LDLRAD4: variants seen among roughly 807,000 people sequenced by gnomAD.
LDLRAD4 encodes the protein low-density lipoprotein receptor class A domain-containing protein 4.
A neutral mutation model predicts 17.0 loss-of-function variants in LDLRAD4; 5 were observed. The ratio of observed to expected loss-of-function variants is 0.29; its 90% CI spans 0.15 to 0.62. The LOEUF is 0.62. LDLRAD4 is among the 20% of genes least tolerant of loss of function. The pLI is 0.84. For synonymous variants in LDLRAD4, 168 were observed against 171.8 expected, an observed-to-expected ratio of 0.98 and a Z score of 0.17; for missense variants, 340 against 424.7, an observed-to-expected ratio of 0.80 and a Z score of 1.75.
At chr18:13,271,422 T>G (rs1239410627) in intron 1 of LDLRAD4, among the ~76,000 whole-genome samples, 2 of 152,156 alleles carry the variant, frequency 1.3e-5, no homozygotes, top group African/African-American at 4.8e-5. Flanking sequence ...CAATTCCCAC[T>G]GGGGGGCTTC....
intron 1 of LDLRAD4, among the ~76,000 whole-genome samples, chr18:13,219,525 C>A (rs1453831189): frequency 6.6e-6 from 1 of 152,130 alleles, no homozygotes; most frequent in East Asian, 1.9e-4. Context: ...TTATTGAGGG[C>A]CTACTATGTG....
chr18:13,561,527 C>G (rs1469657584), intron 3 of LDLRAD4: 1 of 152,222 alleles, frequency 6.6e-6, no homozygotes, highest in Non-Finnish European at 1.5e-5. Flanking sequence ...CGTGATTAAA[C>G]ACTGCAGCTG....
In LDLRAD4 at chr18:13,621,241, G is replaced by A. The variant is rs144325561; in HGVS notation, c.306G>A (p.Gln102=). The A allele has an allele frequency of 6.2e-7, 1 of 1,613,580 alleles. No homozygotes were observed. The highest frequency in any genetic ancestry group is 1.7e-5 in the Admixed American group (1 of 60,036). Residue 102 remains glutamine, a synonymous_variant, in exon 4 of 6, where the codon CAG becomes CAA. Transcript: ENST00000359446. This position sits in a 1 kb window ranked among gnomAD's most constrained non-coding sequence, Gnocchi z 5.5. ...GGTCCTTCATCAACCGCCCGAACCA[G>A]AGCCGGAGGCGGGAGGACGGGCTGC...
chr18:13,370,714 T>TTTTGTTTTTTTTTTG (rs2084410877), intron 1 of LDLRAD4, among the ~76,000 whole-genome samples: 8 of 29,240 alleles, frequency 2.7e-4, no homozygotes, highest in East Asian at 9.3e-4. Flanking sequence ...TTTTGTTTTG[T>TTTTGTTTTTTTTTTG]TTTTTTTTTT....
chr18:13,255,967 G>A (rs1360480519), intron 1 of LDLRAD4, among the ~76,000 whole-genome samples: 1 of 152,128 alleles, frequency 6.6e-6, no homozygotes, highest in Non-Finnish European at 1.5e-5. Flanking sequence ...TATCACTCTT[G>A]TTCATCATGA....
intron 3 of LDLRAD4, among the ~76,000 whole-genome samples, chr18:13,562,612 C>T (rs566208047): frequency 3.3e-5 from 5 of 152,214 alleles, no homozygotes; most frequent in African/African-American, 7.2e-5. Context: ...ACTGAAAGTT[C>T]GTACCCTTTG....
chr18:13,413,306 T>C (rs962549583), intron 2 of LDLRAD4, among the ~76,000 whole-genome samples: 1 of 152,254 alleles, frequency 6.6e-6, no homozygotes, highest in African/African-American at 2.4e-5. Context: ...ACGTGTTCAC[T>C]ACTCACTGAC....
At chr18:13,401,757 C>T (rs186354135) in intron 2 of LDLRAD4, among the ~76,000 whole-genome samples, 143 of 152,352 alleles carry the variant, frequency 9.4e-4, no homozygotes, top group Middle Eastern at 3.4e-3. Flanking sequence ...CCTGGGTTCA[C>T]TTCTAAGCTG....
intron 2 of LDLRAD4, among the ~76,000 whole-genome samples, chr18:13,401,836 G>C (rs948989369): frequency 6.6e-6 from 1 of 152,174 alleles, no homozygotes; most frequent in Non-Finnish European, 1.5e-5. Context: ...CAGGTGACCA[G>C]TGCCACCAGG....
At chr18:13,419,003 C>CATTGGTGAT in intron 2 of LDLRAD4, among the ~76,000 whole-genome samples, 1 of 152,170 alleles carries the variant, frequency 6.6e-6, no homozygotes, top group Non-Finnish European at 1.5e-5. Flanking sequence ...ACTTTTATCA[C>CATTGGTGAT]CAATGATGAA....
rs527606954 is a variant in LDLRAD4 at position 13,501,518 on chromosome 18, C to G, written c.181+63134C>G. Among the ~76,000 whole-genome samples, 5 of 152,196 alleles carry G rather than the reference C, an allele frequency of 3.3e-5. No homozygotes were observed. The East Asian group carries it at 9.6e-4, about 29-fold the overall frequency. On this transcript the variant is annotated intron_variant, in intron 3 of 5. Transcript: ENST00000359446. Reference sequence around the variant, plus strand: ...GTCTGTCTGTCTGTCTGGGTCTCACCCTTAATTCCTTTCTTTCTCTTTCCC... The same window carrying G: ...GTCTGTCTGTCTGTCTGGGTCTCACGCTTAATTCCTTTCTTTCTCTTTCCC...
intron 3 of LDLRAD4, among the ~76,000 whole-genome samples, chr18:13,617,347 C>T (rs1444690979): frequency 3.3e-5 from 5 of 152,082 alleles, no homozygotes; most frequent in Non-Finnish European, 7.4e-5. Context: ...ACCTTTCAGT[C>T]AATATCACAT....
rs77491874 is a variant in LDLRAD4 at position 13,581,292 on chromosome 18, A to G, written c.182-39825A>G. On this transcript the variant is annotated intron_variant, in intron 3 of 5. Transcript: ENST00000359446. ...GGGACTTTAGAGCATCTCAGATGTT[A>G]GATTTTCAGATTAGGTATGCTCAAC... Among the ~76,000 whole-genome samples the G allele has an allele frequency of 0.02, 3,092 of 152,262 alleles. 276 individuals carry two copies. In the East Asian group the frequency reaches 0.26, roughly 13 times the overall value.
At chr18:13,541,091 A>C (rs1601225439) in intron 3 of LDLRAD4, among the ~76,000 whole-genome samples, 1 of 152,328 alleles carries the variant, frequency 6.6e-6, no homozygotes, top group East Asian at 1.9e-4. Flanking sequence ...AGAGGCCCAC[A>C]CACACCTCCA....
intron 3 of LDLRAD4, among the ~76,000 whole-genome samples, chr18:13,491,899 A>T (rs1413846516): frequency 6.6e-6 from 1 of 152,206 alleles, no homozygotes; most frequent in Non-Finnish European, 1.5e-5. Flanking sequence ...CACCACCGGG[A>T]GGCTTGCATG....
At chr18:13,492,630 G>A (rs1009804462) in intron 3 of LDLRAD4, among the ~76,000 whole-genome samples, 21 of 152,306 alleles carry the variant, frequency 1.4e-4, no homozygotes, top group Middle Eastern at 3.4e-3. Context: ...TGACTGGGGC[G>A]GCCCTCCAGC....
rs182594092 is a variant in LDLRAD4, at chr18:13,429,957, G to A, written c.41-8287G>A. ...TGAGTGTAAGAGCTGGAAGGAGGCCGGTATCCTGGGTCCTGGGTCTCGGGG... is the reference window on the plus strand; with the variant it reads ...TGAGTGTAAGAGCTGGAAGGAGGCCAGTATCCTGGGTCCTGGGTCTCGGGG... On this transcript the variant is annotated intron_variant, in intron 2 of 5. Transcript: ENST00000359446. 1.0e-3 allele frequency among the ~76,000 whole-genome samples: 155 copies of A among 152,136 alleles called. 1 individual carries two copies. Among genetic ancestry groups the A allele is most frequent in the African/African-American group, 3.5e-3 (143 of 41,442 alleles).
chr18:13,316,039 G>A (rs991885151), intron 1 of LDLRAD4, among the ~76,000 whole-genome samples: 4 of 152,224 alleles, frequency 2.6e-5, no homozygotes, highest in South Asian at 4.2e-4. Flanking sequence ...GGTGAGGGAC[G>A]GTGAGAGGAG....
chr18:13,410,690 GTGA>G (rs2088254432), intron 2 of LDLRAD4, among the ~76,000 whole-genome samples: 2 of 152,196 alleles, frequency 1.3e-5, no homozygotes, highest in African/African-American at 4.8e-5. Context: ...GATTTGCCTT[GTGA>G]TTAGGCTAAC....
Sources: gnomAD v4.1 joint callset for allele counts (sites outside exome capture counted in the v4.1 genomes callset) on GRCh38, gnomAD v4.1.1 for gene constraint, Gnocchi (gnomAD v3.1) non-coding constraint, MANE v1.5 for transcripts, NCBI Gene and HGNC (gene_info 2026-07-23, HGNC 2026-07-21) for gene names.